EEFSEC: variants seen among roughly 807,000 people sequenced by gnomAD.
EEFSEC encodes selenocysteine-specific elongation factor.
A neutral mutation model predicts 42.1 loss-of-function variants in EEFSEC; 43 were observed. That is an observed-to-expected ratio of 1.02 (90% CI 0.80 to 1.32). EEFSEC has a LOEUF of 1.32. EEFSEC is among the 40% of genes most tolerant of loss of function. EEFSEC has a pLI of 0.00. For missense variants in EEFSEC, 745 were observed against 803.6 expected (o/e 0.93, Z 0.88); for synonymous variants, 354 against 339.1 (o/e 1.04, Z -0.48).
intron 4 of EEFSEC, among the ~76,000 whole-genome samples, chr3:128,282,627 G>A (rs1333352315): frequency 6.6e-6 from 1 of 152,194 alleles, no homozygotes. Context: ...CTTAGGAAGG[G>A]GGACTGGGGA....
chr3:128,299,014 G>A (rs2066738277), intron 4 of EEFSEC, among the ~76,000 whole-genome samples: 1 of 152,200 alleles, frequency 6.6e-6, no homozygotes. Context: ...GTTGTGAATA[G>A]TGCTGCAGTA....
intron 1 of EEFSEC, among the ~76,000 whole-genome samples, chr3:128,206,899 G>A (rs2065702902): frequency 6.6e-6 from 1 of 152,160 alleles, no homozygotes. Context: ...AGCAGCTGGA[G>A]TTGTAGGAAG....
intron 1 of EEFSEC, among the ~76,000 whole-genome samples, chr3:128,225,307 T>G (rs1232892810): frequency 6.6e-6 from 1 of 152,170 alleles, no homozygotes; most frequent in East Asian, 1.9e-4. Context: ...GGTCAGTGTC[T>G]TTTTTTGGTT....
the EEFSEC span, among the ~76,000 whole-genome samples, chr3:128,414,513 G>A: frequency 6.6e-6 from 1 of 152,190 alleles, no homozygotes; most frequent in African/African-American, 2.4e-5. Flanking sequence ...CTGGGGCTCA[G>A]ACCAGGCTAC....
intron 1 of EEFSEC, among the ~76,000 whole-genome samples, chr3:128,184,997 T>G (rs536982100): frequency 6.6e-6 from 1 of 152,278 alleles, no homozygotes; most frequent in African/African-American, 2.4e-5. Context: ...ATTGTGTCAC[T>G]GCACTCCAGC....
intron 4 of EEFSEC, among the ~76,000 whole-genome samples, chr3:128,308,795 G>A (rs183063450): frequency 6.6e-6 from 1 of 152,246 alleles, no homozygotes; most frequent in East Asian, 1.9e-4. Context: ...TTGGAAATGG[G>A]TCCTGTGCCC....
intron 1 of EEFSEC, among the ~76,000 whole-genome samples, chr3:128,209,790 A>AAAGGG (rs1474611477): frequency 1.3e-5 from 2 of 152,252 alleles, no homozygotes; most frequent in Non-Finnish European, 2.9e-5. Context: ...CTTTTGTTAT[A>AAAGGG]AAGGGAGATT....
chr3:128,280,766 C>A (rs2066517270), intron 4 of EEFSEC, among the ~76,000 whole-genome samples: 1 of 152,232 alleles, frequency 6.6e-6, no homozygotes, highest in African/African-American at 2.4e-5. Flanking sequence ...GGCACCAACC[C>A]TCACCCCCTT....
chr3:128,166,776 C>T (rs145802086), intron 1 of EEFSEC, among the ~76,000 whole-genome samples: 48 of 152,130 alleles, frequency 3.2e-4, no homozygotes, highest in African/African-American at 1.1e-3. Flanking sequence ...TCCATCACCA[C>T]GCCTTCTCCC....
At chr3:128,304,109 T>G (rs1352977291) in intron 4 of EEFSEC, among the ~76,000 whole-genome samples, 1 of 151,546 alleles carries the variant, frequency 6.6e-6, no homozygotes, top group African/African-American at 2.4e-5. Flanking sequence ...GGCTAGTCCC[T>G]GCCTCTCAAC....
downstream of EEFSEC, among the ~76,000 whole-genome samples, chr3:128,408,806 G>A (rs569363126): frequency 2.6e-4 from 39 of 152,284 alleles, no homozygotes; most frequent in Middle Eastern, 3.4e-3. Flanking sequence ...GAGTGTCTGC[G>A]CTTCTCAACC....
intron 6 of EEFSEC, among the ~76,000 whole-genome samples, chr3:128,378,148 T>TACTC (rs1488986388): frequency 1.3e-5 from 2 of 152,184 alleles, no homozygotes; most frequent in Non-Finnish European, 2.9e-5. Flanking sequence ...CCATAGTGTA[T>TACTC]ACTCGTCACC....
At chr3:128,399,090 A>G (rs1228322847) in intron 6 of EEFSEC, among the ~76,000 whole-genome samples, 1 of 129,022 alleles carries the variant, frequency 7.8e-6, no homozygotes, top group Non-Finnish European at 1.5e-5. Flanking sequence ...AAATAAATAA[A>G]TAAATAAATA....
At chr3:128,295,591 C>A (rs1009754955) in intron 4 of EEFSEC, among the ~76,000 whole-genome samples, 22 of 146,752 alleles carry the variant, frequency 1.5e-4, no homozygotes, top group African/African-American at 5.5e-4. Flanking sequence ...ACAATTGAGG[C>A]TCCTTTTTTT....
intron 1 of EEFSEC, among the ~76,000 whole-genome samples, chr3:128,176,535 C>G (rs1412270182): frequency 6.6e-6 from 1 of 152,052 alleles, no homozygotes; most frequent in East Asian, 1.9e-4. Flanking sequence ...CTGATAGGTA[C>G]CAATCACTGC....
chr3:128,363,416 G>T (rs534666874), intron 6 of EEFSEC, among the ~76,000 whole-genome samples: 26 of 152,338 alleles, frequency 1.7e-4, no homozygotes, highest in Admixed American at 3.9e-4. Context: ...CCCACACCAT[G>T]ATGCCTTATA....
At chr3:128,193,526 G>A (rs2065549404) in intron 1 of EEFSEC, among the ~76,000 whole-genome samples, 1 of 152,188 alleles carries the variant, frequency 6.6e-6, no homozygotes, top group Non-Finnish European at 1.5e-5. Context: ...CCCTTCAGAT[G>A]ATCATTTGCC....
At chr3:128,425,012 C>G in the EEFSEC span, among the ~76,000 whole-genome samples, 1 of 152,090 alleles carries the variant, frequency 6.6e-6, no homozygotes, top group Non-Finnish European at 1.5e-5. Flanking sequence ...TTCTGAGAGT[C>G]TGCGACTCTG....
intron 1 of EEFSEC, among the ~76,000 whole-genome samples, chr3:128,218,295 G>A (rs767817907): frequency 2.6e-5 from 4 of 152,148 alleles, no homozygotes; most frequent in East Asian, 1.9e-4. Flanking sequence ...GAACTACTCC[G>A]GAAACAGCTG....
Sources: allele counts gnomAD v4.1 joint callset (sites outside exome capture counted in the v4.1 genomes callset), GRCh38; gene constraint gnomAD v4.1.1; transcripts MANE v1.5; gene names NCBI Gene and HGNC (gene_info 2026-07-23, HGNC 2026-07-21).